The following TRMT11 variants were observed in gnomAD, a reference collection of about 807,000 sequenced individuals.
TRMT11 encodes tRNA methyltransferase 11, also known as tRNA (guanine(10)-N(2))-methyltransferase TRMT11.
Under a neutral mutation model 62.8 loss-of-function variants are expected in TRMT11, and 53 were observed. The ratio of observed to expected loss-of-function variants is 0.84; its 90% CI spans 0.68 to 1.06. The LOEUF is 1.06. TRMT11 is among the 50% of genes least tolerant of loss of function. The probability of loss-of-function intolerance (pLI) is 0.00; values close to 1 mark genes in which losing one functional copy is unlikely to be tolerated. For missense variants in TRMT11, 556 were observed against 553.4 expected (o/e 1.00, Z -0.05); for synonymous variants, 188 against 190.3 (o/e 0.99, Z 0.10).
intron 17 of TRMT11, among the ~76,000 whole-genome samples, chr6:126,100,701 A>G (rs1389589506): frequency 6.6e-6 from 1 of 152,158 alleles, no homozygotes; most frequent in Non-Finnish European, 1.5e-5. Flanking sequence ...GTGGAAGGTA[A>G]TTTTTCCACA....
At chr6:126,089,636 C>G (rs1030471861) in intron 17 of TRMT11, among the ~76,000 whole-genome samples, 11 of 152,066 alleles carry the variant, frequency 7.2e-5, no homozygotes, top group African/African-American at 2.7e-4. Context: ...CCTCGTCCTG[C>G]TGAATGAAGA....
chr6:126,188,532 A>G (rs9491575), intron 1 of TRMT11, among the ~76,000 whole-genome samples: 9,254 of 152,150 alleles, frequency 0.061, 968 homozygotes, highest in African/African-American at 0.21. Context: ...GCTATTGTGA[A>G]ATGAGTTTCA....
At chr6:125,996,066 A>C (rs1027527631) in intron 3 of TRMT11, 26 bp downstream of exon 3, 1 of 1,457,230 alleles carries the variant, frequency 6.9e-7, no homozygotes, top group South Asian at 1.1e-5. Flanking sequence ...GTTCTCCTGC[A>C]TGAATATACT....
intron 21 of TRMT11, among the ~76,000 whole-genome samples, chr6:126,154,983 T>A (rs542071698): frequency 2.8e-4 from 42 of 152,228 alleles, no homozygotes; most frequent in Non-Finnish European, 5.4e-4. Context: ...CCATTTTCCA[T>A]ACCTCACTGG....
intron 21 of TRMT11, among the ~76,000 whole-genome samples, chr6:126,156,411 G>C (rs950719043): frequency 6.6e-6 from 1 of 152,164 alleles, no homozygotes; most frequent in Non-Finnish European, 1.5e-5. Context: ...CAGCTCCCAG[G>C]CTTTCCTATC....
chr6:126,253,296 G>A, the TRMT11 span, among the ~76,000 whole-genome samples: 3 of 152,156 alleles, frequency 2.0e-5, no homozygotes, highest in Non-Finnish European at 4.4e-5. Flanking sequence ...TCATGGAACT[G>A]TCATCTTCTG....
At chr6:126,077,325 C>G (rs1380396191) in intron 17 of TRMT11, among the ~76,000 whole-genome samples, 2 of 152,166 alleles carry the variant, frequency 1.3e-5, no homozygotes, top group Admixed American at 6.5e-5. Context: ...CTGTCTGATG[C>G]TGAACTGAAG....
At chr6:126,120,679 A>G (rs1030809208) in intron 21 of TRMT11, among the ~76,000 whole-genome samples, 1 of 152,124 alleles carries the variant, frequency 6.6e-6, no homozygotes, top group Admixed American at 6.6e-5. Context: ...ATAGTATTGT[A>G]GTTCTCTATT....
chr6:126,136,879 G>A (rs977392837), intron 21 of TRMT11, among the ~76,000 whole-genome samples: 4 of 151,356 alleles, frequency 2.6e-5, no homozygotes, highest in Non-Finnish European at 5.9e-5. Flanking sequence ...AATATACGCT[G>A]GGGGAAAAGG....
chr6:126,268,090 AT>A, the TRMT11 span, among the ~76,000 whole-genome samples: 1 of 152,188 alleles, frequency 6.6e-6, no homozygotes, highest in African/African-American at 2.4e-5. Context: ...GGTGTAAATT[AT>A]TTCAAGGAGG....
At position 126,021,168 on chromosome 6, in the gene TRMT11, A is replaced by G. The variant is rs1406328305; in HGVS notation, c.1148A>G (p.Glu383Gly). 1.9e-6 allele frequency: 3 copies of G among 1,613,974 alleles called. No individual in the cohort carries two copies. The highest frequency in any genetic ancestry group is 2.5e-6 in the Non-Finnish European group (3 of 1,179,984). The change falls in exon 12 of 13, where the codon GAA becomes GGA. Residue 383 changes from glutamate (E) to glycine (G), a missense_variant. Coordinates refer to ENST00000334379, the MANE Select transcript of TRMT11 (RefSeq NM_001031712.3). ...AGCTGTTCTTTCTTCAGATACACTGAAGAGATGGTGCCTTGGCACCCTTGC... is the reference window on the plus strand; with the variant it reads ...AGCTGTTCTTTCTTCAGATACACTGGAGAGATGGTGCCTTGGCACCCTTGC... ...WLPVYTPEYTEEMVPWHPCLE... is the reference protein window; with the variant it reads ...WLPVYTPEYTGEMVPWHPCLE...
chr6:126,107,050 C>A (rs1777472821), intron 17 of TRMT11, among the ~76,000 whole-genome samples: 1 of 151,698 alleles, frequency 6.6e-6, no homozygotes, highest in Non-Finnish European at 1.5e-5. Flanking sequence ...ATTTTGAGAT[C>A]CTTGTGTTAA....
intron 17 of TRMT11, among the ~76,000 whole-genome samples, chr6:126,073,989 C>G (rs187113707): frequency 1.4e-3 from 219 of 152,262 alleles, no homozygotes; most frequent in African/African-American, 4.8e-3. Context: ...TGAGAACTCA[C>G]TGTCATGAGA....
chr6:126,225,608 CTT>C, the TRMT11 span, among the ~76,000 whole-genome samples: 1 of 151,110 alleles, frequency 6.6e-6, no homozygotes, highest in East Asian at 1.9e-4. Context: ...CAAACATAAA[CTT>C]TGAACAAAAC....
In TRMT11 at chr6:126,195,539, C is replaced by G. The variant is rs181075444; in HGVS notation, n.144-3260C>G. On this transcript the variant is annotated intron_variant and non_coding_transcript_variant, in intron 1 of 3. Transcript: ENST00000444229. ...TGTAAACATTCTGGCATTTTTCTGT[C>G]TGGGCTTTAAAAATATGTATTTCTG... is the stretch of plus-strand genomic sequence containing the variant. 6.6e-5 allele frequency among the ~76,000 whole-genome samples: 10 copies of G among 152,268 alleles called. No homozygotes were observed. In the East Asian group the frequency reaches 1.2e-3, roughly 18 times the overall value.
chr6:126,171,446 C>G lies in TRMT11; in HGVS notation c.*1824-3379C>G, dbSNP rs112603328. ...GGTGCTGGTGTTGACTGGATACTCA[C>G]AATTAGCCACATGCTATGATTGGGT... On this transcript the variant is annotated intron_variant and NMD_transcript_variant, in intron 21 of 22. Transcript: ENST00000648977. Among the ~76,000 whole-genome samples the G allele has an allele frequency of 1.5e-3, 226 of 152,120 alleles. 1 individual carries two copies. The highest frequency in any genetic ancestry group is 5.3e-3 in the African/African-American group (218 of 41,492).
chr6:125,992,443 C>G (rs1005181139), intron 1 of TRMT11, among the ~76,000 whole-genome samples: 1 of 152,136 alleles, frequency 6.6e-6, no homozygotes, highest in Non-Finnish European at 1.5e-5. Flanking sequence ...TAATCTATAA[C>G]TTTATTTTTT....
chr6:126,023,973 A>C (rs987820116), intron 12 of TRMT11, among the ~76,000 whole-genome samples: 6 of 152,348 alleles, frequency 3.9e-5, no homozygotes, highest in African/African-American at 1.4e-4. Flanking sequence ...CTTAAAAAAA[A>C]GACTTGAATT....
At chr6:126,208,536 G>C (rs1778809671), downstream of TRMT11, among the ~76,000 whole-genome samples, 1 of 152,178 alleles carries the variant, frequency 6.6e-6, no homozygotes, top group Non-Finnish European at 1.5e-5. Flanking sequence ...ATAAAGATAG[G>C]ATGGCTCTAT....
Sources: allele counts gnomAD v4.1 joint callset (sites outside exome capture counted in the v4.1 genomes callset), GRCh38; gene constraint gnomAD v4.1.1; transcripts MANE v1.5; gene names NCBI Gene and HGNC (gene_info 2026-07-23, HGNC 2026-07-21).